Variants in CCSER1 observed in about 807,000 individuals in gnomAD.
CCSER1 encodes the protein coiled-coil serine rich protein 1, also known as serine-rich coiled-coil domain-containing protein 1.
CCSER1 carries 41 observed loss-of-function variants against 82.0 expected under a neutral mutation model. The observed-to-expected ratio is 0.50, with a 90% confidence interval of 0.39 to 0.65. The LOEUF is 0.65. Ranked by LOEUF, CCSER1 falls within the 30% of genes least tolerant of loss-of-function variation. The pLI is 0.00. For synonymous variants in CCSER1, 414 were observed against 383.9 expected (o/e 1.08, Z -0.92); for missense variants, 1,119 against 1,064.2 (o/e 1.05, Z -0.72).
At chr4:91,224,435 C>T (rs1489798822) in intron 10 of CCSER1, among the ~76,000 whole-genome samples, 1 of 152,032 alleles carries the variant, frequency 6.6e-6, no homozygotes, top group Non-Finnish European at 1.5e-5. Context: ...TAGATTTGTC[C>T]AATGTCTTTG....
intron 10 of CCSER1, among the ~76,000 whole-genome samples, chr4:91,501,551 T>C (rs927251788): frequency 6.6e-6 from 1 of 152,062 alleles, no homozygotes; most frequent in African/African-American, 2.4e-5. Flanking sequence ...AGGTATTTAT[T>C]TGTATCTTTT....
intron 10 of CCSER1, among the ~76,000 whole-genome samples, chr4:91,244,353 G>A (rs570306878): frequency 3.3e-5 from 5 of 152,290 alleles, no homozygotes; most frequent in South Asian, 4.1e-4. Context: ...TACCTTGAAG[G>A]GAAGGGCCTT....
At position 90,740,752 on chromosome 4, in the gene CCSER1, C is replaced by T. The variant is rs1442608384; in HGVS notation, c.2010+16761C>T. 7.9e-5 allele frequency among the ~76,000 whole-genome samples: 12 copies of T among 151,960 alleles called. 1 individual carries two copies. The highest frequency in any genetic ancestry group is 7.9e-4 in the Admixed American group (12 of 15,246). ...TTTTTCATTTTTTCCAGGTTGGTGT[C>T]TTGGATTTCTCCTGTTTTGGGGTTC... On this transcript the variant is annotated intron_variant, in intron 7 of 10. Coordinates refer to ENST00000509176, the MANE Select transcript of CCSER1 (RefSeq NM_001145065.2).
intron 10 of CCSER1, among the ~76,000 whole-genome samples, chr4:91,428,497 A>G (rs993195710): frequency 2.6e-5 from 4 of 152,028 alleles, no homozygotes; most frequent in Non-Finnish European, 5.9e-5. Flanking sequence ...AGAGTTTAAA[A>G]TAAGACTATG....
chr4:90,560,557 T>C (rs1778647226), intron 5 of CCSER1, among the ~76,000 whole-genome samples: 1 of 152,146 alleles, frequency 6.6e-6, no homozygotes, highest in African/African-American at 2.4e-5. Context: ...ATAAAGACAA[T>C]GTGGTTGGTC....
At chr4:90,249,573 A>C (rs1464565585) in intron 1 of CCSER1, among the ~76,000 whole-genome samples, 1 of 152,182 alleles carries the variant, frequency 6.6e-6, no homozygotes. Context: ...TGAACACTTC[A>C]TATAAATAGA....
intron 10 of CCSER1, among the ~76,000 whole-genome samples, chr4:91,227,578 T>C (rs1327628968): frequency 6.6e-6 from 1 of 151,840 alleles, no homozygotes; most frequent in Admixed American, 6.6e-5. Flanking sequence ...CCAAGTATAT[T>C]GCATAATGCT....
intron 9 of CCSER1, among the ~76,000 whole-genome samples, chr4:90,953,073 T>C (rs994924495): frequency 5.3e-5 from 8 of 152,188 alleles, no homozygotes; most frequent in African/African-American, 1.9e-4. Flanking sequence ...TATTATTTTC[T>C]GTATAAAGGA....
intron 5 of CCSER1, among the ~76,000 whole-genome samples, chr4:90,561,626 C>T (rs1778769558): frequency 1.3e-5 from 2 of 152,190 alleles, no homozygotes; most frequent in Non-Finnish European, 2.9e-5. Context: ...TGGCCAAATC[C>T]TAGTTGTACA....
chr4:90,819,686 C>T (rs1326808660), intron 8 of CCSER1, among the ~76,000 whole-genome samples: 2 of 152,154 alleles, frequency 1.3e-5, no homozygotes, highest in Non-Finnish European at 2.9e-5. Flanking sequence ...TTTATAGCCA[C>T]ACTTCCAATT....
At chr4:91,494,408 G>A (rs143777374) in intron 10 of CCSER1, among the ~76,000 whole-genome samples, 243 of 151,822 alleles carry the variant, frequency 1.6e-3, no homozygotes, top group African/African-American at 5.2e-3. Flanking sequence ...TAATACACAC[G>A]TAGTTTCCAT....
intron 9 of CCSER1, among the ~76,000 whole-genome samples, chr4:90,955,521 T>C (rs1356963198): frequency 2.0e-5 from 3 of 152,180 alleles, no homozygotes; most frequent in Non-Finnish European, 4.4e-5. Context: ...TACAGATAGA[T>C]AATGATAATA....
At position 90,935,368 on chromosome 4, in the gene CCSER1, G is replaced by A. The variant is rs367943614; in HGVS notation, c.2172+11921G>A. On this transcript the variant is annotated intron_variant, in intron 9 of 10. Coordinates refer to ENST00000509176, the MANE Select transcript of CCSER1 (RefSeq NM_001145065.2). ...CTCTCGGGTAGTGAGTGTCCTGTCT[G>A]CACGTACCGGCTCCCCTTCCATTTT... 1.1e-4 allele frequency among the ~76,000 whole-genome samples: 16 copies of A among 152,198 alleles called. 1 individual carries two copies. In the South Asian group the frequency reaches 2.7e-3, roughly 26 times the overall value.
At chr4:90,362,793 T>A (rs967222949) in intron 3 of CCSER1, among the ~76,000 whole-genome samples, 6 of 152,196 alleles carry the variant, frequency 3.9e-5, no homozygotes, top group Non-Finnish European at 8.8e-5. Flanking sequence ...TATCATTCCA[T>A]GGGCTACATT....
intron 6 of CCSER1, among the ~76,000 whole-genome samples, chr4:90,674,199 T>C (rs1284424965): frequency 6.6e-6 from 1 of 152,038 alleles, no homozygotes; most frequent in African/African-American, 2.4e-5. Context: ...TCTGTTTTTT[T>C]CAATAGAGAG....
chr4:91,558,603 G>A (rs189296496), intron 10 of CCSER1, among the ~76,000 whole-genome samples: 79 of 151,674 alleles, frequency 5.2e-4, no homozygotes, highest in African/African-American at 1.8e-3. Context: ...TGGACTTACC[G>A]TTCCACATGG....
chr4:91,182,570 G>T (rs957937575), intron 10 of CCSER1, among the ~76,000 whole-genome samples: 2 of 152,186 alleles, frequency 1.3e-5, no homozygotes, highest in East Asian at 3.9e-4. Flanking sequence ...GCTTGTCCTT[G>T]AGAATTGTAT....
chr4:91,371,513 T>A (rs967836736), intron 10 of CCSER1, among the ~76,000 whole-genome samples: 1 of 152,248 alleles, frequency 6.6e-6, no homozygotes, highest in Admixed American at 6.5e-5. Context: ...GTTCTCTTAT[T>A]TTTTAATTGC....
intron 5 of CCSER1, among the ~76,000 whole-genome samples, chr4:90,606,130 A>G (rs979358710): frequency 2.0e-5 from 3 of 152,152 alleles, no homozygotes; most frequent in Admixed American, 1.3e-4. Context: ...CACCGAAGAG[A>G]TAAGTTTATA....
Sources: gnomAD v4.1 joint callset for allele counts (sites outside exome capture counted in the v4.1 genomes callset) on GRCh38, gnomAD v4.1.1 for gene constraint, MANE v1.5 for transcripts, NCBI Gene and HGNC (gene_info 2026-07-23, HGNC 2026-07-21) for gene names.